The following GCKR variants were observed in gnomAD, a reference collection of about 807,000 sequenced individuals.
The protein encoded by GCKR is glucokinase regulatory protein.
GCKR carries 73 observed loss-of-function variants against 82.9 expected under a neutral mutation model. That is an observed-to-expected ratio of 0.88 (90% CI 0.73 to 1.07). The LOEUF (loss-of-function observed/expected upper bound fraction) is 1.07. Among genes scored for constraint, GCKR ranks in the 50% least tolerant of loss-of-function variants. GCKR has a pLI of 0.00. For missense variants in GCKR, 784 were observed against 782.1 expected (o/e 1.00, Z -0.03); for synonymous variants, 294 against 291.8 (o/e 1.01, Z -0.08).
At chr2:27,501,047 A>T in intron 7 of GCKR, 88 bp from the exon 8 acceptor site, 2 of 927,944 alleles carry the variant, frequency 2.2e-6, no homozygotes, top group Non-Finnish European at 3.6e-6. Context: ...TTGAACAAGC[A>T]TTCTGAAGGG....
Position 27,506,564 on chromosome 2 carries a change from A to G in GCKR, c.953A>G (p.Lys318Arg). ...SQSPKIATLMKSVSTSLEKKG... is the reference protein window; with the variant it reads ...SQSPKIATLMRSVSTSLEKKG... ...AGCCCCAAGATTGCCACCCTGATGA[A>G]GAGTGTCAGCACCAGGTGTGTGGAT... is the stretch of plus-strand genomic sequence containing the variant. Residue 318 changes from lysine to arginine, a missense_variant, in exon 11 of 19, where the codon AAG becomes AGG. Transcript: ENST00000264717. 6.2e-7 allele frequency: 1 copy of G among 1,609,372 alleles called. No homozygotes were observed. Among genetic ancestry groups the G allele is most frequent in the Non-Finnish European group, 8.5e-7 (1 of 1,175,652 alleles).
intron 9 of GCKR, 86 bp from the exon 10 acceptor site, chr2:27,505,632 C>G (rs946105384): frequency 1.6e-5 from 12 of 771,348 alleles, no homozygotes; most frequent in Admixed American, 1.0e-4. Context: ...CTGGTACTAT[C>G]ACATGCATGC....
rs199605744 is a variant in GCKR at position 27,508,166 on chromosome 2, A to C, written c.1339-2A>C. ...CTCCTGCTCCTCTTTCTCTCTCTCC[A>C]GATCCCTCTGAAGAAGCTCTTTCCC... On this transcript the variant is annotated splice_acceptor_variant, in intron 15 of 18. Coordinates refer to ENST00000264717, the MANE Select transcript of GCKR (RefSeq NM_001486.4). LOFTEE classifies it high-confidence loss of function. 3.9e-5 allele frequency: 63 copies of C among 1,608,698 alleles called. No individual in the cohort carries two copies. Among genetic ancestry groups the C allele is most frequent in the Non-Finnish European group, 5.4e-5 (63 of 1,175,504 alleles).
At chr2:27,507,935 C>A in intron 14 of GCKR, 42 bp from the exon 15 acceptor site, 1 of 1,414,060 alleles carries the variant, frequency 7.1e-7, no homozygotes, top group Non-Finnish European at 1.0e-6. Context: ...GGAACAGCTG[C>A]ACAGCCAGCC....
chr2:27,500,875 A>G (rs1669557130), intron 7 of GCKR, among the ~76,000 whole-genome samples: 1 of 152,238 alleles, frequency 6.6e-6, no homozygotes, highest in Non-Finnish European at 1.5e-5. Context: ...TTGACTTCAA[A>G]GAGTTTACGA....
chr2:27,509,493 C>A (rs1293313499), intron 16 of GCKR: 6 of 440,024 alleles, frequency 1.4e-5, no homozygotes, highest in Admixed American at 2.4e-5. Flanking sequence ...GCACTCACCA[C>A]CATGACTGGC....
In GCKR at chr2:27,503,562, G is replaced by A. The variant is rs773268172; in HGVS notation, c.693G>A (p.Glu231=). Residue 231 remains glutamate, a synonymous_variant, in exon 9 of 19, where the codon GAG becomes GAA. Transcript: ENST00000264717. ...DWSSTFRQVA[E]RMQKMQEKQK... Reference sequence around the variant, plus strand: ...GTTCAACATTCCGACAAGTAGCAGAGCGGATGCAGAAAATGCAGGAGAAAC... The same window carrying A: ...GTTCAACATTCCGACAAGTAGCAGAACGGATGCAGAAAATGCAGGAGAAAC... 5.6e-6 allele frequency: 9 copies of A among 1,611,724 alleles called. No homozygotes were observed. The Admixed American group carries it at 6.7e-5, about 12-fold the overall frequency.
rs1034857516 is a variant in GCKR, at chr2:27,523,361, T to C, written c.1800T>C (p.Ala600=). Residue 600 remains alanine, a synonymous_variant, in exon 19 of 19, where the codon GCT becomes GCC. Coordinates refer to ENST00000264717, the MANE Select transcript of GCKR (RefSeq NM_001486.4). ...CTGCAGCTCCTTCTGTCTGTGAGGC[T>C]GTCAGGAGTGCTCTTGCTGGGCCAG... is the stretch of plus-strand genomic sequence containing the variant. ...HLAAAPSVCE[A]VRSALAGPGQ... The C allele has an allele frequency of 5.6e-6, 9 of 1,612,722 alleles. No homozygotes were observed. The highest frequency in any genetic ancestry group is 7.6e-6 in the Non-Finnish European group (9 of 1,179,950).
chr2:27,519,383 C>T (rs1441227626), intron 17 of GCKR, among the ~76,000 whole-genome samples: 1 of 151,672 alleles, frequency 6.6e-6, no homozygotes, highest in Non-Finnish European at 1.5e-5. Flanking sequence ...CTCAGTGCAA[C>T]CTCCGCCTCT....
rs759929025 is a variant in GCKR at position 27,501,194 on chromosome 2, A to C, written c.609A>C (p.Pro203=). Residue 203 remains proline (P), a synonymous_variant, in exon 8 of 19, where the codon CCA becomes CCC. Transcript: ENST00000264717. ...TGAACAACACAGCTGTCTTCTTGCC[A>C]GTCCTGGTTGGCTTCAATCCAGTGA... is the stretch of plus-strand genomic sequence containing the variant. ...CCMNNTAVFL[P]VLVGFNPVSM... 2.5e-6 allele frequency: 4 copies of C among 1,614,102 alleles called. No homozygotes were observed. The highest frequency in any genetic ancestry group is 3.4e-6 in the Non-Finnish European group (4 of 1,179,906).
At chr2:27,505,662 G>A (rs1267434705) in intron 9 of GCKR, 56 bp from the exon 10 acceptor site, 3 of 902,486 alleles carry the variant, frequency 3.3e-6, no homozygotes, top group South Asian at 2.6e-5. Context: ...ACTAACAAGT[G>A]GTCTACGGGG....
In GCKR at chr2:27,507,098, C is replaced by T. The variant is rs1669767184; in HGVS notation, c.1067-137C>T. 12 of 792,624 alleles carry T rather than the reference C, an allele frequency of 1.5e-5. No individual in the cohort carries two copies. In the South Asian group the frequency reaches 1.6e-4, roughly 11 times the overall value. 49.1% of individuals were successfully genotyped at this position (792,624 alleles called of 1,614,324 possible). On this transcript the variant is annotated intron_variant, in intron 12 of 18. Transcript: ENST00000264717. ...TCCCACCCCTGTGCTTAACTATGGC[C>T]TCCCACAAGGGCTACTCCTCACTCT... is the stretch of plus-strand genomic sequence containing the variant.
At position 27,513,523 on chromosome 2, in the gene GCKR, G is replaced by A. The variant is rs1167996585; in HGVS notation, c.1423-5265G>A. 7.9e-5 allele frequency among the ~76,000 whole-genome samples: 8 copies of A among 101,224 alleles called. 1 individual carries two copies. The highest frequency in any genetic ancestry group is 2.6e-4 in the African/African-American group (6 of 22,968). The allele number at this position is 101,224 out of a possible 152,430, so 66.4% of individuals were successfully genotyped here. ...AGCCTGGGTGATAGAGCGAGACTCC[G>A]TCACAAAAAAAAAAAAAAGAAAGAA... On this transcript the variant is annotated intron_variant, in intron 16 of 18. Transcript: ENST00000264717.
intron 16 of GCKR, 37 bp downstream of exon 16, chr2:27,508,288 G>A (rs755877960): frequency 8.6e-5 from 110 of 1,275,526 alleles, no homozygotes; most frequent in Non-Finnish European, 1.2e-4. Context: ...GCAGTAAGGG[G>A]CTCAGAGGGT....
chr2:27,506,675 A>G (rs1404270626), intron 11 of GCKR, 96 bp downstream of exon 11: 12 of 1,093,340 alleles, frequency 1.1e-5, no homozygotes, highest in Non-Finnish European at 1.6e-5. Flanking sequence ...GGTATGGGCG[A>G]TAGGATTGCA....
intron 10 of GCKR, among the ~76,000 whole-genome samples, chr2:27,506,244 C>T (rs1240972777): frequency 4.6e-5 from 7 of 152,172 alleles, no homozygotes; most frequent in Admixed American, 4.6e-4. Flanking sequence ...AGATCCTGCT[C>T]CTCCTGGTGC....
At chr2:27,515,096 G>A (rs1270769593) in intron 16 of GCKR, among the ~76,000 whole-genome samples, 4 of 152,004 alleles carry the variant, frequency 2.6e-5, no homozygotes, top group African/African-American at 9.7e-5. Context: ...TTCTGCCTCA[G>A]CCTCCCAAGT....
intron 16 of GCKR, among the ~76,000 whole-genome samples, chr2:27,510,858 A>G (rs574589306): frequency 5.3e-5 from 8 of 151,506 alleles, no homozygotes; most frequent in African/African-American, 1.9e-4. Context: ...AGGGGTGTGT[A>G]TAGCAAAAAC....
chr2:27,523,588 CACTT>C lies in GCKR; in HGVS notation c.*150_*153del. On this transcript the variant is annotated 3_prime_UTR_variant, in exon 19 of 19. Transcript: ENST00000264717. ...CCAGGGTAGGGAGAAATATTCTCTC[CACTT>C]TGGGGGAGAGTTCTTGCTCTCGACC... 1 of 743,236 alleles carries C rather than the reference CACTT, an allele frequency of 1.3e-6. No homozygotes were observed. The highest frequency in any genetic ancestry group is 2.3e-6 in the Non-Finnish European group (1 of 434,198). The allele number at this position is 743,236 out of a possible 1,614,324, so 46.0% of individuals were successfully genotyped here. A position where few individuals can be genotyped will look rare whatever the true frequency, so the allele number is the denominator to read the frequency against.
Sources: gnomAD v4.1 joint callset for allele counts (sites outside exome capture counted in the v4.1 genomes callset) on GRCh38, gnomAD v4.1.1 for gene constraint, MANE v1.5 for transcripts, NCBI Gene and HGNC (gene_info 2026-07-23, HGNC 2026-07-21) for gene names.